Variants in PCDHA13 observed in about 807,000 individuals in gnomAD.
The protein encoded by PCDHA13 is protocadherin alpha-13.
A neutral mutation model predicts 64.8 loss-of-function variants in PCDHA13; 54 were observed. The ratio of observed to expected loss-of-function variants is 0.83; its 90% CI spans 0.67 to 1.04. PCDHA13 has a LOEUF of 1.04. Among genes scored for constraint, PCDHA13 ranks in the 50% least tolerant of loss-of-function variants. PCDHA13 has a pLI of 0.00. For synonymous variants in PCDHA13, 587 were observed against 564.4 expected (o/e 1.04, Z -0.57); for missense variants, 1,248 against 1,254.3 (o/e 0.99, Z 0.08).
chr5:140,899,653 T>C (rs1478658505), intron 1 of PCDHA13, among the ~76,000 whole-genome samples: 1 of 152,220 alleles, frequency 6.6e-6, no homozygotes, highest in African/African-American at 2.4e-5. Context: ...TATTTGGTTG[T>C]GTCTCTGCCC....
chr5:140,991,317 T>C (rs2097444971), intron 3 of PCDHA13, among the ~76,000 whole-genome samples: 1 of 152,208 alleles, frequency 6.6e-6, no homozygotes, highest in Admixed American at 6.5e-5. Flanking sequence ...TCCCGCATGA[T>C]ACATGAAGGG....
intron 3 of PCDHA13, among the ~76,000 whole-genome samples, chr5:140,984,944 TC>T (rs1554246626): frequency 6.6e-6 from 1 of 151,930 alleles, no homozygotes; most frequent in Non-Finnish European, 1.5e-5. Flanking sequence ...AAATGTCTAA[TC>T]TTTTTTTTTT....
At chr5:140,908,704 C>T (rs1241248582) in intron 1 of PCDHA13, among the ~76,000 whole-genome samples, 12 of 152,178 alleles carry the variant, frequency 7.9e-5, no homozygotes, top group African/African-American at 2.9e-4. Context: ...CCTCAAGCAC[C>T]ATTGGATCTG....
At chr5:140,942,545 G>C (rs981508818) in intron 1 of PCDHA13, among the ~76,000 whole-genome samples, 4 of 151,970 alleles carry the variant, frequency 2.6e-5, no homozygotes, top group African/African-American at 9.7e-5. Context: ...ATGGTGGGGG[G>C]TAGGGGGTTG....
intron 1 of PCDHA13, among the ~76,000 whole-genome samples, chr5:140,912,536 A>G (rs1554195402): frequency 2.0e-5 from 3 of 152,290 alleles, no homozygotes; most frequent in African/African-American, 4.8e-5. Flanking sequence ...GTACATGATC[A>G]TATTGTCAGC....
intron 1 of PCDHA13, among the ~76,000 whole-genome samples, chr5:140,897,805 A>G (rs1216400632): frequency 6.6e-6 from 1 of 152,172 alleles, no homozygotes; most frequent in Non-Finnish European, 1.5e-5. Context: ...AGTCCCACCA[A>G]CAGTGTAAAA....
intron 2 of PCDHA13, 171 bp from the exon 3 acceptor site, chr5:140,982,304 C>G: frequency 8.0e-7 from 1 of 1,244,768 alleles, no homozygotes. Context: ...AGCAATGCTT[C>G]TGCAGTTTAT....
At chr5:140,900,924 A>C (rs553059638) in intron 1 of PCDHA13, among the ~76,000 whole-genome samples, 1 of 152,216 alleles carries the variant, frequency 6.6e-6, no homozygotes, top group South Asian at 2.1e-4. Flanking sequence ...ATGATATCTC[A>C]TTGTAGTTTT....
intron 1 of PCDHA13, among the ~76,000 whole-genome samples, chr5:140,971,377 T>C (rs2096474353): frequency 6.6e-6 from 1 of 152,210 alleles, no homozygotes; most frequent in African/African-American, 2.4e-5. Flanking sequence ...AGTGCATGAC[T>C]TTAATAAAGG....
intron 1 of PCDHA13, among the ~76,000 whole-genome samples, chr5:140,898,226 G>T (rs2066602879): frequency 6.6e-6 from 1 of 152,262 alleles, no homozygotes; most frequent in African/African-American, 2.4e-5. Flanking sequence ...GGCTTTTGTT[G>T]CCATTGCTTT....
At chr5:140,930,169 A>G (rs1312219690) in intron 1 of PCDHA13, 1 of 152,184 alleles carries the variant, frequency 6.6e-6, no homozygotes, top group Non-Finnish European at 1.5e-5. Context: ...AATATTTTAC[A>G]AAGAGGAAAG....
At chr5:140,922,241 G>A (rs1314775680) in intron 1 of PCDHA13, among the ~76,000 whole-genome samples, 1 of 152,192 alleles carries the variant, frequency 6.6e-6, no homozygotes, top group Non-Finnish European at 1.5e-5. Context: ...TGATGTGTAT[G>A]AAGATAAGTT....
At chr5:140,983,473 ATAG>A (rs746174585) in intron 3 of PCDHA13, among the ~76,000 whole-genome samples, 7 of 152,242 alleles carry the variant, frequency 4.6e-5, no homozygotes, top group Admixed American at 6.5e-5. Flanking sequence ...CATGATGATA[ATAG>A]TAGTTACTAA....
In PCDHA13 at chr5:140,882,637, G is replaced by A. The variant is rs540228460; in HGVS notation, c.369G>A (p.Val123=). Residue 123 remains valine (V), a synonymous_variant, in exon 1 of 4, where the codon GTG becomes GTA. Transcript: ENST00000289272. ...AGGTTTTCCATGTGGAGGTGAAGGT[G>A]AGGGACATTAACGACAACCCGCCCA... ...PLQVFHVEVK[V]RDINDNPPIF... is the part of the protein sequence containing the mutation. 6.2e-7 allele frequency: 1 copy of A among 1,614,234 alleles called. No individual in the cohort carries two copies. Among genetic ancestry groups the A allele is most frequent in the African/African-American group, 1.3e-5 (1 of 75,052 alleles).
chr5:140,898,389 G>A (rs1402524208), intron 1 of PCDHA13, among the ~76,000 whole-genome samples: 3 of 152,190 alleles, frequency 2.0e-5, no homozygotes, highest in Non-Finnish European at 4.4e-5. Flanking sequence ...AAGGGATCCA[G>A]TTTCAGCTTT....
intron 1 of PCDHA13, among the ~76,000 whole-genome samples, chr5:140,908,256 A>T (rs192899359): frequency 6.6e-6 from 1 of 152,130 alleles, no homozygotes; most frequent in Non-Finnish European, 1.5e-5. Context: ...AACTGATCAT[A>T]GGGAACTCCC....
At chr5:140,975,896 T>C (rs1267301126) in intron 1 of PCDHA13, among the ~76,000 whole-genome samples, 1 of 152,202 alleles carries the variant, frequency 6.6e-6, no homozygotes, top group Non-Finnish European at 1.5e-5. Context: ...CATATGGAGT[T>C]TTGTGACCAT....
intron 1 of PCDHA13, among the ~76,000 whole-genome samples, chr5:140,900,338 C>T (rs145242611): frequency 0.027 from 4,159 of 152,082 alleles, 89 homozygotes; most frequent in Non-Finnish European, 0.044. Flanking sequence ...AGTACCGTGG[C>T]GCAATCTTGG....
At chr5:140,906,829 C>T (rs2072974984) in intron 1 of PCDHA13, among the ~76,000 whole-genome samples, 1 of 152,244 alleles carries the variant, frequency 6.6e-6, no homozygotes, top group Non-Finnish European at 1.5e-5. Context: ...GAGTAGTAGA[C>T]TGATTTCATC....
Sources: gnomAD v4.1 joint callset for allele counts (sites outside exome capture counted in the v4.1 genomes callset) on GRCh38, gnomAD v4.1.1 for gene constraint, MANE v1.5 for transcripts, NCBI Gene and HGNC (gene_info 2026-07-23, HGNC 2026-07-21) for gene names.